NBEA: variants seen among roughly 807,000 people sequenced by gnomAD.
NBEA encodes neurobeachin.
A neutral mutation model predicts 343.4 loss-of-function variants in NBEA; 44 were observed. That is an observed-to-expected ratio of 0.13 (90% CI 0.10 to 0.16). NBEA has a LOEUF of 0.16. Ranked by LOEUF, NBEA falls within the 10% of genes least tolerant of loss-of-function variation. NBEA has a pLI of 1.00. For synonymous variants in NBEA, 1,175 were observed against 1,238.7 expected (o/e 0.95, Z 1.08); for missense variants, 2,555 against 3,631.3 (o/e 0.70, Z 7.62).
At chr13:35,557,048 G>A (rs995958324) in intron 44 of NBEA, among the ~76,000 whole-genome samples, 11 of 151,990 alleles carry the variant, frequency 7.2e-5, no homozygotes, top group South Asian at 2.1e-4. Flanking sequence ...TCCCTTGGCT[G>A]TGCTAGCTAT....
chr13:35,536,399 G>T (rs995914060), intron 41 of NBEA, among the ~76,000 whole-genome samples: 5 of 151,900 alleles, frequency 3.3e-5, no homozygotes, highest in African/African-American at 1.2e-4. Context: ...GTGTGGAAAT[G>T]TTTGATATCT....
chr13:35,569,700 G>A (rs1411224940), intron 45 of NBEA, among the ~76,000 whole-genome samples: 1 of 152,144 alleles, frequency 6.6e-6, no homozygotes, highest in Non-Finnish European at 1.5e-5. Context: ...AGAGCAAAAT[G>A]AAAACTCAGA....
At chr13:35,277,853 G>A (rs1594051142) in intron 34 of NBEA, among the ~76,000 whole-genome samples, 1 of 151,454 alleles carries the variant, frequency 6.6e-6, no homozygotes, top group South Asian at 2.1e-4. Context: ...TTGGGAGGCT[G>A]AGGCAGGCAG....
chr13:35,389,966 G>T (rs1414586443), intron 38 of NBEA, among the ~76,000 whole-genome samples: 7 of 37,610 alleles, frequency 1.9e-4, no homozygotes, highest in African/African-American at 5.9e-4. Flanking sequence ...TATGTCTTTT[G>T]TAGAGTGTGT....
chr13:35,190,833 A>C (rs1487614987), intron 30 of NBEA, among the ~76,000 whole-genome samples: 1 of 152,166 alleles, frequency 6.6e-6, no homozygotes, highest in Non-Finnish European at 1.5e-5. Context: ...CTAGACGGAC[A>C]CTTTAAACCA....
At chr13:35,222,372 A>T (rs191724173) in intron 33 of NBEA, among the ~76,000 whole-genome samples, 3 of 151,894 alleles carry the variant, frequency 2.0e-5, no homozygotes, top group Admixed American at 2.0e-4. Context: ...TCTGCTTTTT[A>T]AAAAAATCAA....
chr13:35,224,959 G>A (rs1455505870), intron 33 of NBEA, among the ~76,000 whole-genome samples: 5 of 152,024 alleles, frequency 3.3e-5, no homozygotes, highest in Non-Finnish European at 7.4e-5. Context: ...ATGTTTTCTT[G>A]TTGTTTTTGT....
At chr13:35,655,192 G>A (rs1311417914) in intron 54 of NBEA, among the ~76,000 whole-genome samples, 182 bp downstream of exon 54, 1 of 152,118 alleles carries the variant, frequency 6.6e-6, no homozygotes, top group East Asian at 1.9e-4. Flanking sequence ...TATTCCGAAC[G>A]TTAGCATGAT....
At position 34,970,804 on chromosome 13, in the gene NBEA, C is replaced by T. The variant is rs552567146; in HGVS notation, c.294+27690C>T. Among the ~76,000 whole-genome samples the T allele has an allele frequency of 1.2e-4, 19 of 152,086 alleles. No homozygotes were observed. The South Asian group carries it at 3.5e-3, about 28-fold the overall frequency. On this transcript the variant is annotated intron_variant, in intron 1 of 58. Transcript: ENST00000379939. ...TCTGTATTATAGTTAAGTTGGGTAG[C>T]GTGATGCCTCTAGCTTTGTTCTTTT... is the stretch of plus-strand genomic sequence containing the variant.
At chr13:35,403,291 G>A (rs1468748579) in intron 38 of NBEA, among the ~76,000 whole-genome samples, 1 of 151,850 alleles carries the variant, frequency 6.6e-6, no homozygotes, top group East Asian at 1.9e-4. Context: ...CCTATTATTT[G>A]CAAACACTAT....
intron 10 of NBEA, among the ~76,000 whole-genome samples, chr13:35,093,859 T>G (rs1003602048): frequency 6.6e-6 from 1 of 151,948 alleles, no homozygotes; most frequent in African/African-American, 2.4e-5. Flanking sequence ...GTGGTACTAT[T>G]AGGCTTTGAA....
At chr13:35,454,043 G>A (rs1286060022) in intron 40 of NBEA, among the ~76,000 whole-genome samples, 1 of 152,036 alleles carries the variant, frequency 6.6e-6, no homozygotes, top group Non-Finnish European at 1.5e-5. Flanking sequence ...TAATATACCT[G>A]GTCCTAACTC....
intron 55 of NBEA, among the ~76,000 whole-genome samples, chr13:35,664,277 G>A (rs1413793725): frequency 6.6e-6 from 1 of 152,164 alleles, no homozygotes; most frequent in African/African-American, 2.4e-5. Context: ...GGCAGCTCTA[G>A]GAAAGAGGGG....
At chr13:35,405,049 A>G (rs1162639191) in intron 38 of NBEA, among the ~76,000 whole-genome samples, 1 of 152,218 alleles carries the variant, frequency 6.6e-6, no homozygotes, top group African/African-American at 2.4e-5. Context: ...GAGAAGCAGC[A>G]TAGGAAATTT....
At chr13:35,135,385 A>G (rs996687000) in intron 17 of NBEA, among the ~76,000 whole-genome samples, 2 of 152,088 alleles carry the variant, frequency 1.3e-5, no homozygotes, top group African/African-American at 2.4e-5. Flanking sequence ...ACAGAATAAT[A>G]TATACAATGA....
intron 41 of NBEA, among the ~76,000 whole-genome samples, chr13:35,522,654 G>A (rs1332376393): frequency 1.3e-5 from 2 of 151,976 alleles, no homozygotes; most frequent in Admixed American, 1.3e-4. Flanking sequence ...CCCAGCAGGA[G>A]GTGAGCAGCA....
intron 17 of NBEA, among the ~76,000 whole-genome samples, chr13:35,136,137 A>G (rs2067713880): frequency 6.6e-6 from 1 of 152,194 alleles, no homozygotes; most frequent in African/African-American, 2.4e-5. Flanking sequence ...AAAGCAATGC[A>G]TGCAAAATAT....
At chr13:35,399,310 G>A (rs1228833884) in intron 38 of NBEA, among the ~76,000 whole-genome samples, 1 of 152,126 alleles carries the variant, frequency 6.6e-6, no homozygotes, top group East Asian at 1.9e-4. Context: ...CAGAGACTGG[G>A]TAATTTATTA....
At chr13:35,070,912 A>T in intron 10 of NBEA, 60 bp downstream of exon 10, 7 of 1,579,022 alleles carry the variant, frequency 4.4e-6, no homozygotes, top group South Asian at 1.1e-5. Flanking sequence ...ACTATGCATG[A>T]TGTACTCAGT....
Sources: gnomAD v4.1 joint callset for allele counts (sites outside exome capture counted in the v4.1 genomes callset) on GRCh38, gnomAD v4.1.1 for gene constraint, MANE v1.5 for transcripts, NCBI Gene and HGNC (gene_info 2026-07-23, HGNC 2026-07-21) for gene names.